The following ZDHHC11 variants were observed in gnomAD, a reference collection of about 807,000 sequenced individuals.
The protein encoded by ZDHHC11 is palmitoyltransferase ZDHHC11.
ZDHHC11 carries 44 observed loss-of-function variants against 51.3 expected under a neutral mutation model. The observed-to-expected ratio is 0.86, with a 90% CI of 0.67 to 1.10. The LOEUF (loss-of-function observed/expected upper bound fraction) is 1.10. ZDHHC11 is among the 50% of genes least tolerant of loss of function. The pLI is 0.00. For synonymous variants in ZDHHC11, 163 were observed against 222.0 expected (o/e 0.73, Z 2.36); for missense variants, 400 against 537.7 (o/e 0.74, Z 2.53).
At chr5:816,639 T>C (rs960985388) in intron 10 of ZDHHC11, 2 of 626,818 alleles carry the variant, frequency 3.2e-6, no homozygotes, top group Non-Finnish European at 6.2e-6. Flanking sequence ...GTGGCTGTGA[T>C]TTGGGATTAT....
intron 3 of ZDHHC11, among the ~76,000 whole-genome samples, chr5:843,968 A>G (rs1244447916): frequency 3.6e-5 from 3 of 83,510 alleles, no homozygotes; most frequent in South Asian, 3.9e-4. Flanking sequence ...GGGGGTGCAG[A>G]GGCAGGGGCA....
rs1738349606 is a variant in ZDHHC11, at chr5:801,105, T to C, written c.*2A>G. 3 of 1,609,872 alleles carry C rather than the reference T, an allele frequency of 1.9e-6. No individual in the cohort carries two copies. Among genetic ancestry groups the C allele is most frequent in the Non-Finnish European group, 2.5e-6 (3 of 1,176,836 alleles). On this transcript the variant is annotated 3_prime_UTR_variant, in exon 12 of 13. Coordinates refer to ENST00000283441, the MANE Select transcript of ZDHHC11 (RefSeq NM_024786.3). ...CGCACTGCCACGTATCTTACCTGAA[T>C]CTCAGTCTTCACTTTCAGCACTGTC...
Position 814,799 on chromosome 5 carries a change from T to TG in ZDHHC11, c.1147-5dup. ...TACTCGGGGCATCATCTGCTTCCTG[T>TG]GGGGGGAAGGGATGCAAAATTCATA... On this transcript the variant is annotated splice_polypyrimidine_tract_variant and splice_region_variant and intron_variant, in intron 10 of 12. Coordinates refer to ENST00000283441, the MANE Select transcript of ZDHHC11 (RefSeq NM_024786.3). 1.3e-6 allele frequency: 2 copies of TG among 1,536,576 alleles called. No homozygotes were observed. The highest frequency in any genetic ancestry group is 1.3e-5 in the South Asian group (1 of 78,052).
chr5:837,504 G>A, intron 5 of ZDHHC11, 24 bp from the exon 6 acceptor site: 1 of 1,604,998 alleles, frequency 6.2e-7, no homozygotes, highest in Non-Finnish European at 8.5e-7. Flanking sequence ...AGGAGGAACA[G>A]GACAAGATAC....
intron 1 of ZDHHC11, among the ~76,000 whole-genome samples, chr5:849,195 G>A (rs1477902355): frequency 6.6e-6 from 1 of 152,182 alleles, no homozygotes; most frequent in Admixed American, 6.5e-5. Context: ...TGTGCCAGTC[G>A]GGGACCGGGA....
intron 3 of ZDHHC11, among the ~76,000 whole-genome samples, chr5:847,137 C>G (rs571052921): frequency 1.3e-5 from 2 of 151,764 alleles, no homozygotes; most frequent in East Asian, 3.9e-4. Context: ...TCTCGCCCAT[C>G]TGCGCTGGGT....
At chr5:841,596 C>A in intron 4 of ZDHHC11, 1 of 997,356 alleles carries the variant, frequency 1.0e-6, no homozygotes, top group Non-Finnish European at 1.2e-6. Context: ...GCACCCATCC[C>A]TTGCTCATGG....
At chr5:837,968 A>G (rs1744146892) in intron 5 of ZDHHC11, among the ~76,000 whole-genome samples, 1 of 151,926 alleles carries the variant, frequency 6.6e-6, no homozygotes, top group Non-Finnish European at 1.5e-5. Context: ...GGGGATGCAC[A>G]GAGACCCCAC....
chr5:799,720 A>G (rs1738138064), intron 12 of ZDHHC11, among the ~76,000 whole-genome samples: 1 of 151,664 alleles, frequency 6.6e-6, no homozygotes, highest in Non-Finnish European at 1.5e-5. Flanking sequence ...GACATTCTAC[A>G]TGAGCTCAAG....
chr5:850,467 A>C lies in ZDHHC11; in HGVS notation c.136T>G (p.Trp46Gly). 6.2e-7 allele frequency: 1 copy of C among 1,613,686 alleles called. No homozygotes were observed. The highest frequency in any genetic ancestry group is 8.5e-7 in the Non-Finnish European group (1 of 1,180,034). ...GAGGAAAGGCCCACGAAGACAGCCC[A>C]GGTCACCACCTGGAAGTAGTGCAGG... is the stretch of plus-strand genomic sequence containing the variant. ...LPLHYFQVVTWAVFVGLSSAT... is the reference protein window; with the variant it reads ...LPLHYFQVVTGAVFVGLSSAT... The change falls in exon 1 of 13, where the codon TGG (tryptophan) becomes GGG (glycine). Residue 46 changes from tryptophan (W) to glycine (G), a missense_variant. Around this residue, in one of 5 missense-constraint regions of ZDHHC11, gnomAD observed 119 missense variants for 99.6 expected, o/e 1.20. Transcript: ENST00000283441.
Position 808,984 on chromosome 5 carries a change from T to TACACACACACACACAC in ZDHHC11, c.1181+5761_1181+5776dup, listed in dbSNP as rs56961185. On this transcript the variant is annotated intron_variant, in intron 11 of 12. Coordinates refer to ENST00000283441, the MANE Select transcript of ZDHHC11 (RefSeq NM_024786.3). ...CATGCTCCATCTTTTGACCATCAGTTACACACACACACACACACACACACA... is the reference window on the plus strand; with the variant it reads ...CATGCTCCATCTTTTGACCATCAGTTACACACACACACACACACACACACACACACACACACACACA... Among the ~76,000 whole-genome samples, 299 of 133,818 alleles carry TACACACACACACACAC rather than the reference T, an allele frequency of 2.2e-3. 7 individuals carry two copies. Among genetic ancestry groups the TACACACACACACACAC allele is most frequent in the African/African-American group, 6.0e-3 (214 of 35,450 alleles). 87.8% of individuals were successfully genotyped at this position (133,818 alleles called of 152,430 possible).
intron 10 of ZDHHC11, among the ~76,000 whole-genome samples, chr5:817,644 T>C (rs1037070309): frequency 6.6e-6 from 1 of 151,344 alleles, no homozygotes; most frequent in African/African-American, 2.4e-5. Flanking sequence ...CCTCTCTAAA[T>C]ATGAGGTCTC....
At chr5:849,055 G>T (rs972562472) in intron 1 of ZDHHC11, among the ~76,000 whole-genome samples, 2 of 151,816 alleles carry the variant, frequency 1.3e-5, no homozygotes, top group Non-Finnish European at 2.9e-5. Flanking sequence ...TTCACACATG[G>T]CCCTGCACAC....
chr5:821,097 A>T lies in ZDHHC11; in HGVS notation c.1058+764T>A, dbSNP rs910249114. On this transcript the variant is annotated intron_variant, in intron 9 of 12. Coordinates refer to ENST00000283441, the MANE Select transcript of ZDHHC11 (RefSeq NM_024786.3). ...CAATAAATCCCAACTGGCCTGAAAA[A>T]TCAAAATGTAAAGGAAGCAAATGGA... 3 of 151,524 alleles carry T rather than the reference A, an allele frequency of 2.0e-5. 1 individual carries two copies. The highest frequency in any genetic ancestry group is 4.4e-5 in the Non-Finnish European group (3 of 67,758). The allele number at this position is 151,524 out of a possible 1,614,324, so 9.4% of individuals were successfully genotyped here. A position where few individuals can be genotyped will look rare whatever the true frequency, so the allele number is the denominator to read the frequency against.
chr5:838,130 G>C (rs1309753201), intron 5 of ZDHHC11, among the ~76,000 whole-genome samples: 2 of 151,814 alleles, frequency 1.3e-5, no homozygotes, highest in African/African-American at 4.8e-5. Context: ...ATGGGGCTGA[G>C]ACAGGTCACC....
At chr5:798,617 C>G (rs1737944832) in intron 12 of ZDHHC11, among the ~76,000 whole-genome samples, 1 of 150,488 alleles carries the variant, frequency 6.6e-6, no homozygotes. Flanking sequence ...AATCAGACAA[C>G]TCTCCTAGCC....
In ZDHHC11 at chr5:825,145, G is replaced by A. The variant is rs747732374; in HGVS notation, c.1023+19C>T. On this transcript the variant is annotated intron_variant, in intron 8 of 12. Transcript: ENST00000283441. ...CACGGCCCTGACCTCGGGGTGCATCGCTGGTGACTGCAACTTACCCGTGCC... is the reference window on the plus strand; with the variant it reads ...CACGGCCCTGACCTCGGGGTGCATCACTGGTGACTGCAACTTACCCGTGCC... The A allele has an allele frequency of 6.9e-6, 11 of 1,605,180 alleles. 1 individual carries two copies. Among genetic ancestry groups the A allele is most frequent in the Middle Eastern group, 3.3e-4 (2 of 6,052 alleles).
chr5:825,634 C>A (rs1222688290), intron 7 of ZDHHC11, among the ~76,000 whole-genome samples: 2 of 152,108 alleles, frequency 1.3e-5, no homozygotes, highest in Non-Finnish European at 2.9e-5. Flanking sequence ...CATACTGTGG[C>A]CTTTCACTCC....
upstream of ZDHHC11, among the ~76,000 whole-genome samples, chr5:859,975 A>C (rs1381619378): frequency 6.6e-6 from 1 of 152,170 alleles, no homozygotes; most frequent in African/African-American, 2.4e-5. Flanking sequence ...GGTCCCTCCA[A>C]GACCACCACC....
Sources: allele counts gnomAD v4.1 joint callset (sites outside exome capture counted in the v4.1 genomes callset), GRCh38; gene constraint gnomAD v4.1.1; regional missense constraint gnomAD v4.1.1; transcripts MANE v1.5; gene names NCBI Gene and HGNC (gene_info 2026-07-23, HGNC 2026-07-21).